Variants in PCDHGA10 observed in about 807,000 individuals in gnomAD.
PCDHGA10 encodes the protein protocadherin gamma subfamily A, 10, also known as protocadherin gamma-A10.
A neutral mutation model predicts 59.5 loss-of-function variants in PCDHGA10; 42 were observed. That is an observed-to-expected ratio of 0.71 (90% confidence interval 0.55 to 0.91). The LOEUF is 0.91. Ranked by LOEUF, PCDHGA10 falls within the 40% of genes least tolerant of loss-of-function variation. The pLI, the probability that PCDHGA10 is intolerant of heterozygous loss-of-function variation, is 0.00. For missense variants in PCDHGA10, 1,111 were observed against 1,198.2 expected, an observed-to-expected ratio of 0.93 and a Z score of 1.07; for synonymous variants, 511 against 517.2, an observed-to-expected ratio of 0.99 and a Z score of 0.16.
chr5:141,417,783 C>T, intron 1 of PCDHGA10: 1 of 1,474,286 alleles, frequency 6.8e-7, no homozygotes, highest in Non-Finnish European at 9.0e-7. Flanking sequence ...TGTCCTGGGC[C>T]GAATGCTCTT....
At chr5:141,429,396 T>A (rs2097212352) in intron 1 of PCDHGA10, among the ~76,000 whole-genome samples, 1 of 151,520 alleles carries the variant, frequency 6.6e-6, no homozygotes, top group African/African-American at 2.4e-5. Context: ...TTAAAAAAAA[T>A]TGAGATTAAG....
intron 1 of PCDHGA10, among the ~76,000 whole-genome samples, chr5:141,429,720 A>G (rs571388976): frequency 6.6e-6 from 1 of 152,340 alleles, no homozygotes; most frequent in South Asian, 2.1e-4. Context: ...TACGCTCATG[A>G]AAGTACGTAG....
intron 1 of PCDHGA10, among the ~76,000 whole-genome samples, chr5:141,492,922 T>C (rs1191111432): frequency 1.3e-5 from 2 of 152,194 alleles, no homozygotes; most frequent in Non-Finnish European, 2.9e-5. Context: ...TGCCCAGCGA[T>C]CTAGGGTCAG....
intron 1 of PCDHGA10, among the ~76,000 whole-genome samples, chr5:141,480,895 A>G (rs1275670492): frequency 6.6e-6 from 1 of 152,048 alleles, no homozygotes; most frequent in African/African-American, 2.4e-5. Flanking sequence ...AAATGCAAAC[A>G]TTAGCTGGGC....
chr5:141,414,334 A>G lies in PCDHGA10; in HGVS notation c.1159A>G (p.Thr387Ala). The G allele has an allele frequency of 3.7e-6, 6 of 1,613,782 alleles. No individual in the cohort carries two copies. Among genetic ancestry groups the G allele is most frequent in the Non-Finnish European group, 5.1e-6 (6 of 1,179,796 alleles). ...AGACTCTGAGCAGAATGGACAGGTA[A>G]CCTGTTCCATTTTGGCGTATCTACC... ...DLDSEQNGQV[T>A]CSILAYLPFK... Residue 387 changes from threonine (T) to alanine (A), a missense_variant, in exon 1 of 4, where the codon ACC becomes GCC. Physicochemically the swap from Thr to Ala is moderately conservative, Grantham distance 58 (BLOSUM62 0). Transcript: ENST00000398610.
rs561329093 is a variant in PCDHGA10 at position 141,509,163 on chromosome 5, C to A, written c.2585-1784C>A. Among the ~76,000 whole-genome samples the A allele has an allele frequency of 1.4e-4, 21 of 152,322 alleles. No individual in the cohort carries two copies. In the South Asian group the frequency reaches 4.1e-3, roughly 30 times the overall value. On this transcript the variant is annotated intron_variant, in intron 3 of 3. Coordinates refer to ENST00000398610, the MANE Select transcript of PCDHGA10 (RefSeq NM_018913.3). ...CATCCCGGCTCTCCCCTCCCGTGTG[C>A]CCTCCTCCTCTTATGCCGGCTTGAA...
intron 1 of PCDHGA10, chr5:141,424,083 C>T (rs2096798692): frequency 4.2e-6 from 4 of 957,190 alleles, no homozygotes; most frequent in Non-Finnish European, 5.1e-6. Flanking sequence ...TATATTCCAC[C>T]ATTATTTGCT....
In PCDHGA10 at chr5:141,477,670, A is replaced by G; in HGVS notation, c.2437-17137A>G. 1 of 1,614,198 alleles carries G rather than the reference A, an allele frequency of 6.2e-7. No individual in the cohort carries two copies. The highest frequency in any genetic ancestry group is 1.7e-5 in the Admixed American group (1 of 60,028). ...TCACAATAAATCGTGACAATGGCAT[A>G]GTGTCATCCTTAGTGCCCCTAGACT... On this transcript the variant is annotated intron_variant, in intron 1 of 3. Coordinates refer to ENST00000398610, the MANE Select transcript of PCDHGA10 (RefSeq NM_018913.3). This position sits in a 1 kb window ranked among gnomAD's most constrained non-coding sequence, Gnocchi z 4.9.
In PCDHGA10 at chr5:141,432,929, C is replaced by T. The variant is rs759937939; in HGVS notation, c.2436+17318C>T. On this transcript the variant is annotated intron_variant, in intron 1 of 3. Coordinates refer to ENST00000398610, the MANE Select transcript of PCDHGA10 (RefSeq NM_018913.3). This position sits in a 1 kb window ranked among gnomAD's most constrained non-coding sequence, Gnocchi z 6.0. ...GCTGCGGCGCTGGCACAAGTCACGCCTGCTGCAGGCTTCAGGAGGCGGCTT... is the reference window on the plus strand; with the variant it reads ...GCTGCGGCGCTGGCACAAGTCACGCTTGCTGCAGGCTTCAGGAGGCGGCTT... The T allele has an allele frequency of 6.2e-7, 1 of 1,614,078 alleles. No individual in the cohort carries two copies. Among genetic ancestry groups the T allele is most frequent in the African/African-American group, 1.3e-5 (1 of 74,948 alleles).
intron 1 of PCDHGA10, among the ~76,000 whole-genome samples, chr5:141,425,915 C>G (rs537499239): frequency 1.3e-5 from 2 of 152,336 alleles, no homozygotes; most frequent in East Asian, 3.9e-4. Context: ...AAAACAGTCA[C>G]TACGAAAACT....
chr5:141,418,228 T>C, intron 1 of PCDHGA10: 2 of 1,613,990 alleles, frequency 1.2e-6, no homozygotes, highest in Non-Finnish European at 1.7e-6. Context: ...TTGTGGTGAT[T>C]GAGGATGTTA....
chr5:141,426,270 G>A lies in PCDHGA10; in HGVS notation c.2436+10659G>A, dbSNP rs999517850. On this transcript the variant is annotated intron_variant, in intron 1 of 3. Coordinates refer to ENST00000398610, the MANE Select transcript of PCDHGA10 (RefSeq NM_018913.3). Reference sequence around the variant, plus strand: ...TTTTCTCTTAACGTCGGAGACTGCAGCAACGCATGGGAAGGATGGGAAACA... The same window carrying A: ...TTTTCTCTTAACGTCGGAGACTGCAACAACGCATGGGAAGGATGGGAAACA... 2.6e-4 allele frequency: 43 copies of A among 163,626 alleles called. 1 individual carries two copies. The highest frequency in any genetic ancestry group is 3.0e-3 in the Middle Eastern group (1 of 328). 10.1% of individuals were successfully genotyped at this position (163,626 alleles called of 1,614,324 possible).
In PCDHGA10 at chr5:141,477,147, A is replaced by G. The variant is rs1195888163; in HGVS notation, c.2437-17660A>G. On this transcript the variant is annotated intron_variant, in intron 1 of 3. Coordinates refer to ENST00000398610, the MANE Select transcript of PCDHGA10 (RefSeq NM_018913.3). The surrounding 1 kb of genome is among the most constrained non-coding windows in gnomAD (Gnocchi z 4.9). The stretch of plus-strand genomic sequence containing the variant: ...TGCAAAGTGTTGGTGGAGGTTGTGG[A>G]TGTGAATGACAACGCCCCGGAGATC... 2 of 1,614,168 alleles carry G rather than the reference A, an allele frequency of 1.2e-6. No individual in the cohort carries two copies. The highest frequency in any genetic ancestry group is 1.1e-5 in the South Asian group (1 of 91,080).
chr5:141,419,926 G>A lies in PCDHGA10; in HGVS notation c.2436+4315G>A. 3 of 1,614,096 alleles carry A rather than the reference G, an allele frequency of 1.9e-6. No homozygotes were observed. In the South Asian group the frequency reaches 3.3e-5, roughly 18 times the overall value. On this transcript the variant is annotated intron_variant, in intron 1 of 3. Transcript: ENST00000398610. ...CCTCTGACTCCCAGGCTGAGATGCA[G>A]TTTTACCTGGTGGTGGCCTTGGCCT... is the stretch of plus-strand genomic sequence containing the variant.
At chr5:141,500,667 TC>T (rs1032555959) in intron 2 of PCDHGA10, among the ~76,000 whole-genome samples, 26 of 152,194 alleles carry the variant, frequency 1.7e-4, no homozygotes, top group African/African-American at 6.0e-4. Flanking sequence ...GGCCATACTG[TC>T]CAACAGAATT....
Position 141,486,070 on chromosome 5 carries a change from T to C in PCDHGA10, c.2437-8737T>C. ...ACCTCTTTAGCCTGCACCCCACTAC[T>C]GGAAAGCTTACTCTTTTGGGGCCCC... On this transcript the variant is annotated intron_variant, in intron 1 of 3. Coordinates refer to ENST00000398610, the MANE Select transcript of PCDHGA10 (RefSeq NM_018913.3). The surrounding 1 kb of genome is among the most constrained non-coding windows in gnomAD (Gnocchi z 5.0). 6.2e-7 allele frequency: 1 copy of C among 1,614,158 alleles called. No homozygotes were observed. The highest frequency in any genetic ancestry group is 8.5e-7 in the Non-Finnish European group (1 of 1,180,010).
intron 2 of PCDHGA10, among the ~76,000 whole-genome samples, chr5:141,496,565 T>C (rs2099769541): frequency 6.6e-6 from 1 of 152,136 alleles, no homozygotes; most frequent in African/African-American, 2.4e-5. Context: ...CACAGTCCTG[T>C]CACCCATTTT....
rs143939286 is a variant in PCDHGA10 at position 141,427,522 on chromosome 5, T to C, written c.2436+11911T>C. 6.1e-3 allele frequency: 3,716 copies of C among 607,796 alleles called. 27 individuals are homozygous for C. The highest frequency in any genetic ancestry group is 8.8e-3 in the Non-Finnish European group (2,868 of 324,656). The allele number at this position is 607,796 out of a possible 1,614,324, so 37.7% of individuals were successfully genotyped here. A position where few individuals can be genotyped will look rare whatever the true frequency, so the allele number is the denominator to read the frequency against. On this transcript the variant is annotated intron_variant, in intron 1 of 3. Transcript: ENST00000398610. ...GATGGGACCCTGGATTGGGAGCGGATCCCGGAGTACAACGTCACCATCACT... is the reference window on the plus strand; with the variant it reads ...GATGGGACCCTGGATTGGGAGCGGACCCCGGAGTACAACGTCACCATCACT...
In PCDHGA10 at chr5:141,490,296, G is replaced by T; in HGVS notation, c.2437-4511G>T. The stretch of plus-strand genomic sequence containing the variant: ...ATGACAATGCCCCAGAGGTGCTATT[G>T]GCCTCTTTGGCCAACCCTGTCCTAG... On this transcript the variant is annotated intron_variant, in intron 1 of 3. Coordinates refer to ENST00000398610, the MANE Select transcript of PCDHGA10 (RefSeq NM_018913.3). This position sits in a 1 kb window ranked among gnomAD's most constrained non-coding sequence, Gnocchi z 5.4. 6.2e-7 allele frequency: 1 copy of T among 1,614,184 alleles called. No homozygotes were observed. Among genetic ancestry groups the T allele is most frequent in the South Asian group, 1.1e-5 (1 of 91,084 alleles).
Sources: gnomAD v4.1 joint callset for allele counts (sites outside exome capture counted in the v4.1 genomes callset) on GRCh38, gnomAD v4.1.1 for gene constraint, Gnocchi (gnomAD v3.1) non-coding constraint, MANE v1.5 for transcripts, NCBI Gene and HGNC (gene_info 2026-07-23, HGNC 2026-07-21) for gene names.